The following DLG2 variants were observed in gnomAD, a reference collection of about 807,000 sequenced individuals.
DLG2 encodes disks large homolog 2.
DLG2 carries 45 observed loss-of-function variants against 132.5 expected under a neutral mutation model. The observed-to-expected ratio is 0.34, with a 90% CI of 0.27 to 0.44. The LOEUF is 0.44. Among genes scored for constraint, DLG2 ranks in the 20% least tolerant of loss-of-function variants. The probability of loss-of-function intolerance (pLI) is 1.00; values close to 1 mark genes in which losing one functional copy is unlikely to be tolerated. For synonymous variants in DLG2, 424 were observed against 419.6 expected (o/e 1.01, Z -0.13); for missense variants, 1,045 against 1,196.9 (o/e 0.87, Z 1.87).
At chr11:83,906,251 TCTCTCTCA>T (rs1269290160) in intron 15 of DLG2, among the ~76,000 whole-genome samples, 40 of 97,478 alleles carry the variant, frequency 4.1e-4, no homozygotes, top group Non-Finnish European at 7.2e-4. Flanking sequence ...TCTCTCTCTC[TCTCTCTCA>T]CACACACACA....
intron 3 of DLG2, among the ~76,000 whole-genome samples, chr11:85,556,286 T>C (rs2076938327): frequency 6.6e-6 from 1 of 151,918 alleles, no homozygotes; most frequent in Non-Finnish European, 1.5e-5. Flanking sequence ...CTCACTGGTT[T>C]AGTACCCTCC....
intron 19 of DLG2, among the ~76,000 whole-genome samples, chr11:83,581,709 T>C (rs764687254): frequency 6.6e-6 from 1 of 152,152 alleles, no homozygotes; most frequent in South Asian, 2.1e-4. Context: ...ACATTGAATC[T>C]GGAGTGTGCC....
At chr11:85,206,239 C>A (rs1362187447) in intron 4 of DLG2, among the ~76,000 whole-genome samples, 1 of 152,178 alleles carries the variant, frequency 6.6e-6, no homozygotes, top group African/African-American at 2.4e-5. Flanking sequence ...GTGCCAGCAT[C>A]ATGCTTCCTG....
At chr11:85,397,467 A>C (rs1227055507) in intron 3 of DLG2, among the ~76,000 whole-genome samples, 1 of 152,242 alleles carries the variant, frequency 6.6e-6, no homozygotes, top group Non-Finnish European at 1.5e-5. Flanking sequence ...TGCCCGATTT[A>C]AAAGATAAAG....
In DLG2 at chr11:83,906,232, G is replaced by GTC. The variant is rs144862801; in HGVS notation, c.1496+24094_1496+24095dup. 1.9e-3 allele frequency among the ~76,000 whole-genome samples: 139 copies of GTC among 71,454 alleles called. 3 individuals are homozygous for GTC. The highest frequency in any genetic ancestry group is 3.9e-3 in the African/African-American group (82 of 21,184). 46.9% of individuals were successfully genotyped at this position (71,454 alleles called of 152,430 possible). On this transcript the variant is annotated intron_variant, in intron 15 of 27. Coordinates refer to ENST00000376104, the MANE Select transcript of DLG2 (RefSeq NM_001142699.3). ...TAACTGGAAGATTGCTATAGTAGATGTCTCTCTCTCTCTCTCTCTCTCTCT... is the reference window on the plus strand; with the variant it reads ...TAACTGGAAGATTGCTATAGTAGATGTCTCTCTCTCTCTCTCTCTCTCTCTCT...
intron 3 of DLG2, among the ~76,000 whole-genome samples, chr11:85,593,068 G>T (rs889598592): frequency 6.6e-6 from 1 of 152,074 alleles, no homozygotes; most frequent in East Asian, 1.9e-4. Flanking sequence ...AAAATAAAAA[G>T]ATATGCTACT....
At chr11:84,650,770 G>A (rs2099680556) in intron 6 of DLG2, among the ~76,000 whole-genome samples, 1 of 149,924 alleles carries the variant, frequency 6.7e-6, no homozygotes, top group Non-Finnish European at 1.5e-5. Flanking sequence ...CAGTATTTAA[G>A]AGATGAACTA....
intron 3 of DLG2, among the ~76,000 whole-genome samples, chr11:85,295,532 G>A (rs1160624607): frequency 2.0e-5 from 3 of 152,100 alleles, no homozygotes; most frequent in Non-Finnish European, 2.9e-5. Flanking sequence ...CTGGTTCAAG[G>A]TCATCAGGCT....
intron 17 of DLG2, among the ~76,000 whole-genome samples, chr11:83,788,324 C>T (rs1328270510): frequency 2.0e-5 from 3 of 152,132 alleles, no homozygotes; most frequent in Non-Finnish European, 1.5e-5. Flanking sequence ...TTGCCTCATC[C>T]CTGGCTTTCT....
intron 3 of DLG2, among the ~76,000 whole-genome samples, chr11:85,590,718 A>G (rs1430651987): frequency 6.6e-6 from 1 of 151,926 alleles, no homozygotes; most frequent in Non-Finnish European, 1.5e-5. Context: ...AGGCTATAAT[A>G]TTAATAATAC....
intron 18 of DLG2, among the ~76,000 whole-genome samples, chr11:83,676,047 C>T (rs1356224552): frequency 1.3e-5 from 2 of 152,216 alleles, no homozygotes; most frequent in Non-Finnish European, 2.9e-5. Context: ...CTAACAGCAA[C>T]AGCTGCCAAA....
At chr11:83,593,846 A>G (rs2097237515) in intron 19 of DLG2, among the ~76,000 whole-genome samples, 1 of 152,110 alleles carries the variant, frequency 6.6e-6, no homozygotes, top group Non-Finnish European at 1.5e-5. Context: ...TGCTTGAAAA[A>G]AAAAGATAAA....
chr11:85,253,078 G>A (rs1333526341), intron 4 of DLG2, among the ~76,000 whole-genome samples: 1 of 152,052 alleles, frequency 6.6e-6, no homozygotes, highest in African/African-American at 2.4e-5. Flanking sequence ...TCCTATCTCT[G>A]AGGATGTATT....
chr11:84,950,488 TTAATA>T (rs1169858025), intron 6 of DLG2, among the ~76,000 whole-genome samples: 1 of 152,202 alleles, frequency 6.6e-6, no homozygotes, highest in Admixed American at 6.5e-5. Flanking sequence ...GAAGGCTATT[TTAATA>T]TATTTATGCA....
intron 18 of DLG2, among the ~76,000 whole-genome samples, chr11:83,715,296 A>T (rs1214297198): frequency 1.3e-5 from 2 of 152,254 alleles, no homozygotes; most frequent in African/African-American, 2.4e-5. Context: ...TATTAAATAT[A>T]CATAGATTGC....
At chr11:84,127,029 T>A (rs998182724) in intron 9 of DLG2, among the ~76,000 whole-genome samples, 2 of 152,212 alleles carry the variant, frequency 1.3e-5, no homozygotes, top group Admixed American at 1.3e-4. Context: ...ATCTAGCCAG[T>A]GCCAATGCCA....
At position 84,952,369 on chromosome 11, in the gene DLG2, T is replaced by A. The variant is rs1221123667; in HGVS notation, c.357+159292A>T. ...CGTCTCTACTAAAAATACAAAAAAT[T>A]AGCCGGGCGCAGTGGCGGGCGCCTG... On this transcript the variant is annotated intron_variant, in intron 6 of 27. Transcript: ENST00000376104. Among the ~76,000 whole-genome samples the A allele has an allele frequency of 2.0e-5, 3 of 151,940 alleles. 1 individual carries two copies. Among genetic ancestry groups the A allele is most frequent in the Admixed American group, 2.0e-4 (3 of 15,256 alleles).
intron 17 of DLG2, among the ~76,000 whole-genome samples, chr11:83,813,127 C>T (rs754968848): frequency 6.6e-6 from 1 of 152,118 alleles, no homozygotes; most frequent in Non-Finnish European, 1.5e-5. Context: ...AAAGTTTGCA[C>T]ATCTAGTTGA....
intron 3 of DLG2, among the ~76,000 whole-genome samples, chr11:85,504,404 G>C (rs1189908548): frequency 3.3e-5 from 5 of 152,260 alleles, no homozygotes; most frequent in South Asian, 2.1e-4. Context: ...GTGTAAGGGA[G>C]GGATCCAGTT....
Sources: allele counts gnomAD v4.1 joint callset (sites outside exome capture counted in the v4.1 genomes callset), GRCh38; gene constraint gnomAD v4.1.1; transcripts MANE v1.5; gene names NCBI Gene and HGNC (gene_info 2026-07-23, HGNC 2026-07-21).